MYH11: variants seen among roughly 807,000 people sequenced by gnomAD.
MYH11 encodes the protein myosin-11.
In MYH11, 80 loss-of-function variants were observed where a neutral mutation model predicts 246.6. The observed-to-expected ratio is 0.32, with a 90% CI of 0.27 to 0.39. MYH11 has a LOEUF of 0.39. MYH11 is among the 10% of genes least tolerant of loss of function. The pLI, the probability that MYH11 is intolerant of heterozygous loss-of-function variation, is 1.00. For missense variants in MYH11, 2,158 were observed against 2,546.8 expected (o/e 0.85, Z 3.29); for synonymous variants, 1,071 against 1,015.5 (o/e 1.05, Z -1.04).
In MYH11 at chr16:15,717,166, C is replaced by T. The variant is rs1050163; in HGVS notation, c.5478G>A (p.Leu1826=). The part of the protein sequence containing the change: ...IAALEAKIAQ[L]EEQVEQEARE... The stretch of plus-strand genomic sequence containing the variant: ...TGGCCTCCTGCTCGACCTGCTCCTC[C>T]AGCTGTGCAATCTTGGCCTCCAGCG... Residue 1826 remains leucine, a synonymous_variant, in exon 38 of 41, where the codon CTG becomes CTA. Coordinates refer to ENST00000300036, the MANE Select transcript of MYH11 (RefSeq NM_002474.3). 779,700 of 1,613,846 alleles carry T rather than the reference C, an allele frequency of 0.48. 191,592 individuals carry two copies. The highest frequency in any genetic ancestry group is 0.59 in the Middle Eastern group (3,578 of 6,062).
At chr16:15,742,240 G>C (rs2041295352) in intron 20 of MYH11, 1 of 405,812 alleles carries the variant, frequency 2.5e-6, no homozygotes. Context: ...CCCCACTTTA[G>C]AACCATCCCA....
chr16:15,757,803 C>A (rs2041768754), intron 13 of MYH11, 24 bp downstream of exon 13: 2 of 1,613,984 alleles, frequency 1.2e-6, no homozygotes, highest in Non-Finnish European at 1.7e-6. Context: ...GTGACGGAGC[C>A]CCGCACGCCC....
rs1279126358 is a variant in MYH11, at chr16:15,724,147, C to T, written c.4365+14G>A. The T allele has an allele frequency of 2.9e-5, 47 of 1,612,440 alleles. No homozygotes were observed. The highest frequency in any genetic ancestry group is 5.0e-5 in the Admixed American group (3 of 60,016). ...CGTCCATGGCCAGAGTGGGGGACAC[C>T]CCACGCCCTCTACCTGATCAAATTT... On this transcript the variant is annotated intron_variant, in intron 31 of 40. Coordinates refer to ENST00000300036, the MANE Select transcript of MYH11 (RefSeq NM_002474.3).
intron 34 of MYH11, 71 bp from the exon 35 acceptor site, chr16:15,719,784 T>G: frequency 6.3e-7 from 1 of 1,598,428 alleles, no homozygotes; most frequent in South Asian, 1.1e-5. Flanking sequence ...CAGTTCAGCT[T>G]TGCACACCCA....
At chr16:15,811,363 ACTAT>A (rs2043133781) in intron 3 of MYH11, among the ~76,000 whole-genome samples, 1 of 152,158 alleles carries the variant, frequency 6.6e-6, no homozygotes, top group Non-Finnish European at 1.5e-5. Flanking sequence ...AGAATACTAC[ACTAT>A]CTATACCACG....
intron 27 of MYH11, among the ~76,000 whole-genome samples, chr16:15,732,095 G>A (rs2151234936): frequency 6.6e-6 from 1 of 152,102 alleles, no homozygotes; most frequent in African/African-American, 2.4e-5. Flanking sequence ...CCGAGTAGCT[G>A]GGATTACAGG....
In MYH11 at chr16:15,757,745, G is replaced by T. The variant is rs2041766709; in HGVS notation, c.1575+82C>A. 3.9e-6 allele frequency: 6 copies of T among 1,555,030 alleles called. No individual in the cohort carries two copies. The South Asian group carries it at 6.8e-5, about 18-fold the overall frequency. On this transcript the variant is annotated intron_variant, in intron 13 of 40. Transcript: ENST00000300036. ...GGGGAATGCTATGTGCATGGGGAGAGTGTGGGGTCCACGTCGGCTCCACAG... is the reference window on the plus strand; with the variant it reads ...GGGGAATGCTATGTGCATGGGGAGATTGTGGGGTCCACGTCGGCTCCACAG...
chr16:15,832,941 ATCTT>A (rs2043779844), intron 2 of MYH11, among the ~76,000 whole-genome samples: 1 of 86,194 alleles, frequency 1.2e-5, no homozygotes, highest in African/African-American at 4.2e-5. Context: ...CAGCAACCTC[ATCTT>A]TTTTTTTTTT....
chr16:15,814,572 A>AAAAAAAAAAAAAAAAAAAAAAC (rs2043219317), intron 3 of MYH11, among the ~76,000 whole-genome samples: 1 of 146,262 alleles, frequency 6.8e-6, no homozygotes, highest in Non-Finnish European at 1.5e-5. Flanking sequence ...AAAAAAAAAA[A>AAAAAAAAAAAAAAAAAAAAAAC]AAAAAAAAAA....
chr16:15,712,646 G>A (rs746831268), intron 40 of MYH11, among the ~76,000 whole-genome samples: 2 of 152,052 alleles, frequency 1.3e-5, no homozygotes, highest in African/African-American at 2.4e-5. Context: ...AGCAGGTTTC[G>A]AGGTGAGGGA....
intron 1 of MYH11, among the ~76,000 whole-genome samples, chr16:15,856,474 T>G (rs564400015): frequency 2.0e-5 from 3 of 152,156 alleles, no homozygotes; most frequent in Non-Finnish European, 4.4e-5. Flanking sequence ...TGATAGCAAG[T>G]GACTTTTCAG....
chr16:15,793,106 T>A (rs2042654124), intron 4 of MYH11, among the ~76,000 whole-genome samples: 1 of 152,116 alleles, frequency 6.6e-6, no homozygotes, highest in Non-Finnish European at 1.5e-5. Flanking sequence ...TCTCTCTAAT[T>A]TTATGTGAAA....
At chr16:15,850,105 C>A (rs1350805082) in intron 1 of MYH11, among the ~76,000 whole-genome samples, 1 of 152,224 alleles carries the variant, frequency 6.6e-6, no homozygotes, top group Admixed American at 6.5e-5. Flanking sequence ...GTAAATTAGG[C>A]CGGGCATGGT....
intron 10 of MYH11, 36 bp downstream of exon 10, chr16:15,763,760 C>CCCAAAAA: frequency 8.4e-7 from 1 of 1,192,092 alleles, no homozygotes; most frequent in Non-Finnish European, 1.3e-6. Flanking sequence ...CCCCCAACCC[C>CCCAAAAA]AAAGTCATTG....
intron 23 of MYH11, among the ~76,000 whole-genome samples, chr16:15,739,035 C>T (rs1054671404): frequency 2.6e-5 from 4 of 152,046 alleles, no homozygotes; most frequent in Non-Finnish European, 5.9e-5. Flanking sequence ...CTTTAAGTTT[C>T]TGCTTAAATG....
At chr16:15,826,142 GTTCA>G (rs112786889) in intron 2 of MYH11, among the ~76,000 whole-genome samples, 14,118 of 150,950 alleles carry the variant, frequency 0.094, 670 homozygotes, top group Non-Finnish European at 0.1. Flanking sequence ...CTGATCGTTC[GTTCA>G]TTCATTCATT....
intron 20 of MYH11, chr16:15,742,213 G>C: frequency 2.2e-6 from 1 of 452,902 alleles, no homozygotes; most frequent in Non-Finnish European, 4.1e-6. Context: ...CAAAGTGAAA[G>C]GAAAAAGTCT....
intron 1 of MYH11, among the ~76,000 whole-genome samples, chr16:15,852,303 T>C (rs1347615114): frequency 6.6e-6 from 1 of 151,312 alleles, no homozygotes; most frequent in Non-Finnish European, 1.5e-5. Flanking sequence ...TGCTGTCATA[T>C]GTGACTGCAA....
intron 9 of MYH11, 115 bp downstream of exon 9, chr16:15,771,453 TA>T (rs1363563609): frequency 1.2e-5 from 12 of 976,340 alleles, no homozygotes; most frequent in Admixed American, 2.8e-5. Flanking sequence ...TTTTTTTTTT[TA>T]ATGGAAGGTG....
Sources: gnomAD v4.1 joint callset for allele counts (sites outside exome capture counted in the v4.1 genomes callset) on GRCh38, gnomAD v4.1.1 for gene constraint, MANE v1.5 for transcripts, NCBI Gene and HGNC (gene_info 2026-07-23, HGNC 2026-07-21) for gene names.